UBE2D2: variants seen among roughly 807,000 people sequenced by gnomAD.
The protein encoded by UBE2D2 is ubiquitin conjugating enzyme E2 D2, also known as ubiquitin-conjugating enzyme E2 D2.
A neutral mutation model predicts 24.2 loss-of-function variants in UBE2D2; 2 were observed. The ratio of observed to expected loss-of-function variants is 0.08; its 90% CI spans 0.03 to 0.26. The LOEUF is 0.26. UBE2D2 is among the 10% of genes least tolerant of loss of function. The pLI is 1.00. For missense variants in UBE2D2, 44 were observed against 177.6 expected, an observed-to-expected ratio of 0.25 and a Z score of 4.28; for synonymous variants, 58 against 56.5, an observed-to-expected ratio of 1.03 and a Z score of -0.12.
intron 2 of UBE2D2, 99 bp downstream of exon 2, chr5:139,600,534 A>C: frequency 4.1e-6 from 5 of 1,221,296 alleles, no homozygotes; most frequent in African/African-American, 1.5e-5. Context: ...TTTAACCCTT[A>C]GTGGCCCATG....
intron 2 of UBE2D2, among the ~76,000 whole-genome samples, chr5:139,606,841 C>T (rs923258273): frequency 2.6e-5 from 4 of 152,122 alleles, no homozygotes; most frequent in East Asian, 3.9e-4. Flanking sequence ...AGTCTCACAT[C>T]GTCGCCCCCC....
In UBE2D2 at chr5:139,596,325, G is replaced by A. The variant is rs1561515078; in HGVS notation, c.25-4047G>A. Among the ~76,000 whole-genome samples the A allele has an allele frequency of 4.1e-5, 6 of 145,936 alleles. No homozygotes were observed. In the South Asian group the frequency reaches 6.7e-4, roughly 16 times the overall value. On this transcript the variant is annotated intron_variant, in intron 1 of 6. Coordinates refer to ENST00000398733, the MANE Select transcript of UBE2D2 (RefSeq NM_003339.3). ...GTGTATGTGTGTGTGACAGAGTCTC[G>A]CTCTGTCACCCAGGCTGGAGTGCAG...
At chr5:139,537,739 C>T (rs58989938) in intron 1 of UBE2D2, among the ~76,000 whole-genome samples, 3 of 151,796 alleles carry the variant, frequency 2.0e-5, no homozygotes, top group East Asian at 2.0e-4. Flanking sequence ...CCAAGGTGGG[C>T]GGATCACGAG....
intron 1 of UBE2D2, among the ~76,000 whole-genome samples, chr5:139,571,452 G>T (rs1392971168): frequency 3.3e-5 from 5 of 150,300 alleles, no homozygotes; most frequent in Admixed American, 6.7e-5. Context: ...ATCCACTTTA[G>T]AGTACTCACT....
intron 1 of UBE2D2, among the ~76,000 whole-genome samples, chr5:139,529,201 TA>T (rs1365351870): frequency 6.6e-6 from 1 of 152,140 alleles, no homozygotes; most frequent in Non-Finnish European, 1.5e-5. Flanking sequence ...ATAAAGTAGG[TA>T]ATCCAGGCAG....
In UBE2D2 at chr5:139,585,210, CTT is replaced by C. The variant is rs561161810; in HGVS notation, c.25-15147_25-15146del. ...CCACGGTGCCCGGCTGCGTGCAGGT[CTT>C]TTTTTTTTTTTTTTGAGACAGAGTT... On this transcript the variant is annotated intron_variant, in intron 1 of 6. Transcript: ENST00000398733. Among the ~76,000 whole-genome samples, 240 of 137,072 alleles carry C rather than the reference CTT, an allele frequency of 1.8e-3. 1 individual carries two copies. Among genetic ancestry groups the C allele is most frequent in the African/African-American group, 5.0e-3 (186 of 37,526 alleles). The allele number at this position is 137,072 out of a possible 152,430, so 89.9% of individuals were successfully genotyped here.
chr5:139,550,437 T>C (rs74560497), intron 1 of UBE2D2, among the ~76,000 whole-genome samples: 9,327 of 152,116 alleles, frequency 0.061, 334 homozygotes, highest in South Asian at 0.11. Flanking sequence ...CAATCAGCGC[T>C]CTGTAAAATG....
chr5:139,537,336 T>C (rs1365063698), intron 1 of UBE2D2, among the ~76,000 whole-genome samples: 1 of 152,236 alleles, frequency 6.6e-6, no homozygotes, highest in Non-Finnish European at 1.5e-5. Context: ...TTGATTGTTA[T>C]GCTTCTTAAA....
At chr5:139,550,268 C>T (rs1287306020) in intron 1 of UBE2D2, among the ~76,000 whole-genome samples, 2 of 152,130 alleles carry the variant, frequency 1.3e-5, no homozygotes, top group African/African-American at 2.4e-5. Flanking sequence ...CCAATCAGTG[C>T]TCTGTGTCTA....
chr5:139,556,063 CCCG>C (rs1752977912), intron 1 of UBE2D2, among the ~76,000 whole-genome samples: 2 of 150,994 alleles, frequency 1.3e-5, no homozygotes, highest in Admixed American at 6.6e-5. Context: ...ATGGAGAAAC[CCCG>C]TCTCTACTAA....
intron 1 of UBE2D2, among the ~76,000 whole-genome samples, chr5:139,584,147 G>A (rs1445127502): frequency 6.6e-6 from 1 of 152,056 alleles, no homozygotes; most frequent in Admixed American, 6.6e-5. Flanking sequence ...CCCTATAGAG[G>A]TGTGCCATTT....
At chr5:139,622,283 C>T (rs1023523731) in intron 5 of UBE2D2, among the ~76,000 whole-genome samples, 6 of 151,414 alleles carry the variant, frequency 4.0e-5, no homozygotes, top group East Asian at 3.9e-4. Flanking sequence ...TTTGCTGTGT[C>T]GCCCAGGCTG....
chr5:139,622,924 C>T (rs1486053055), intron 5 of UBE2D2, among the ~76,000 whole-genome samples: 6 of 151,760 alleles, frequency 4.0e-5, no homozygotes, highest in Non-Finnish European at 7.4e-5. Context: ...AAACTATTTG[C>T]CAGGTGTGGT....
chr5:139,555,605 A>C (rs1432551862), intron 1 of UBE2D2, among the ~76,000 whole-genome samples: 1 of 151,912 alleles, frequency 6.6e-6, no homozygotes, highest in Non-Finnish European at 1.5e-5. Context: ...AAATTATAAA[A>C]TTGGTCATCT....
At chr5:139,562,504 T>C in intron 1 of UBE2D2, 4 of 1,189,956 alleles carry the variant, frequency 3.4e-6, no homozygotes, top group Middle Eastern at 4.7e-4. Context: ...TTTTGCAGGA[T>C]TGGATCTAAT....
rs539869722 is a variant in UBE2D2 at position 139,586,177 on chromosome 5, G to A, written c.25-14195G>A. On this transcript the variant is annotated intron_variant, in intron 1 of 6. Coordinates refer to ENST00000398733, the MANE Select transcript of UBE2D2 (RefSeq NM_003339.3). ...TGTTGTGAAGATAAAGATTATCTGG[G>A]GTCTAGCTTAGAATTTTTTTTTTTT... is the stretch of plus-strand genomic sequence containing the variant. Among the ~76,000 whole-genome samples, 349 of 151,752 alleles carry A rather than the reference G, an allele frequency of 2.3e-3. 7 individuals carry two copies. The highest frequency in any genetic ancestry group is 5.5e-3 in the Admixed American group (83 of 15,200).
At chr5:139,598,552 CTTTTTTTT>C (rs746165110) in intron 1 of UBE2D2, among the ~76,000 whole-genome samples, 3 of 104,940 alleles carry the variant, frequency 2.9e-5, no homozygotes, top group African/African-American at 1.2e-4. Flanking sequence ...ACTACAAAGC[CTTTTTTTT>C]TTTTTTTTTT....
intron 1 of UBE2D2, among the ~76,000 whole-genome samples, chr5:139,596,071 T>C (rs998515518): frequency 6.6e-6 from 1 of 150,688 alleles, no homozygotes; most frequent in Non-Finnish European, 1.5e-5. Flanking sequence ...TTTTTGTATT[T>C]TTAGTAGAGA....
intron 1 of UBE2D2, among the ~76,000 whole-genome samples, chr5:139,536,039 CCCA>C (rs1752678180): frequency 6.6e-6 from 1 of 151,222 alleles, no homozygotes; most frequent in Admixed American, 6.6e-5. Context: ...ATTACAGGCA[CCCA>C]CCACCACACC....
Sources: allele counts gnomAD v4.1 joint callset (sites outside exome capture counted in the v4.1 genomes callset), GRCh38; gene constraint gnomAD v4.1.1; transcripts MANE v1.5; gene names NCBI Gene and HGNC (gene_info 2026-07-23, HGNC 2026-07-21).